The following ZNF804A variants were observed in gnomAD, a reference collection of about 807,000 sequenced individuals.
ZNF804A encodes the protein zinc finger protein 804A.
A neutral mutation model predicts 16.5 loss-of-function variants in ZNF804A; 2 were observed. The ratio of observed to expected loss-of-function variants is 0.12; its 90% CI spans 0.05 to 0.38. ZNF804A has a LOEUF of 0.38. ZNF804A is among the 10% of genes least tolerant of loss of function. The pLI is 0.99. For synonymous variants in ZNF804A, 534 were observed against 489.6 expected (o/e 1.09, Z -1.20); for missense variants, 1,473 against 1,390.7 (o/e 1.06, Z -0.94).
intron 2 of ZNF804A, among the ~76,000 whole-genome samples, chr2:184,878,275 G>A (rs542497727): frequency 2.0e-5 from 3 of 152,150 alleles, no homozygotes; most frequent in East Asian, 3.9e-4. Context: ...CCAAAGAGTA[G>A]GACTGAGGGC....
chr2:184,669,397 T>G (rs1338980102), intron 1 of ZNF804A, among the ~76,000 whole-genome samples: 1 of 152,222 alleles, frequency 6.6e-6, no homozygotes, highest in East Asian at 1.9e-4. Flanking sequence ...TCGTATCTTA[T>G]AAGCCGTAGT....
At chr2:184,751,256 A>G (rs960819975) in intron 1 of ZNF804A, among the ~76,000 whole-genome samples, 1 of 151,494 alleles carries the variant, frequency 6.6e-6, no homozygotes, top group Non-Finnish European at 1.5e-5. Context: ...CTTAGGGTTC[A>G]TGAATGCACA....
At chr2:184,717,922 C>A (rs1693241007) in intron 1 of ZNF804A, among the ~76,000 whole-genome samples, 1 of 152,080 alleles carries the variant, frequency 6.6e-6, no homozygotes, top group African/African-American at 2.4e-5. Flanking sequence ...GACAAGCATG[C>A]CTGTTTTCAC....
chr2:184,650,568 C>G (rs1355031150), intron 1 of ZNF804A, among the ~76,000 whole-genome samples: 2 of 152,086 alleles, frequency 1.3e-5, no homozygotes, highest in African/African-American at 4.8e-5. Flanking sequence ...GCCCTAAAGA[C>G]TCCACCAAAA....
At chr2:184,887,745 A>C (rs1684918800) in intron 2 of ZNF804A, among the ~76,000 whole-genome samples, 1 of 152,142 alleles carries the variant, frequency 6.6e-6, no homozygotes, top group Admixed American at 6.5e-5. Context: ...CCCATGATTC[A>C]ATTACCTCCC....
At chr2:184,860,854 G>T (rs1202313089) in intron 1 of ZNF804A, among the ~76,000 whole-genome samples, 2 of 152,230 alleles carry the variant, frequency 1.3e-5, no homozygotes, top group Admixed American at 6.5e-5. Flanking sequence ...TGGGGCAATG[G>T]CCAAGCTCAG....
chr2:184,826,109 C>T (rs1695164412), intron 1 of ZNF804A, among the ~76,000 whole-genome samples: 1 of 151,970 alleles, frequency 6.6e-6, no homozygotes, highest in Non-Finnish European at 1.5e-5. Context: ...TGGTCTTGAA[C>T]TCCTGACCTT....
chr2:184,823,019 A>G (rs1407056954), intron 1 of ZNF804A, among the ~76,000 whole-genome samples: 1 of 152,114 alleles, frequency 6.6e-6, no homozygotes, highest in Non-Finnish European at 1.5e-5. Context: ...CATTCTTGCT[A>G]CTATAACAAA....
intron 1 of ZNF804A, among the ~76,000 whole-genome samples, chr2:184,631,612 T>C (rs1173719223): frequency 6.6e-6 from 1 of 152,136 alleles, no homozygotes; most frequent in African/African-American, 2.4e-5. Flanking sequence ...AGCTAATAAG[T>C]TACAGTTCAT....
intron 2 of ZNF804A, among the ~76,000 whole-genome samples, chr2:184,909,102 T>A (rs1468808587): frequency 6.6e-6 from 1 of 152,096 alleles, no homozygotes; most frequent in Non-Finnish European, 1.5e-5. Context: ...ACTGCTATTT[T>A]TTCACTAGGC....
intron 1 of ZNF804A, among the ~76,000 whole-genome samples, chr2:184,746,404 A>G (rs1693790115): frequency 6.6e-6 from 1 of 151,342 alleles, no homozygotes; most frequent in South Asian, 2.1e-4. Context: ...AAAAACAAAC[A>G]AAACAAAAAA....
intron 1 of ZNF804A, among the ~76,000 whole-genome samples, chr2:184,754,748 T>C (rs1693933656): frequency 6.6e-6 from 1 of 151,912 alleles, no homozygotes; most frequent in African/African-American, 2.4e-5. Context: ...CTTCTTGGCT[T>C]GAAAAATTTA....
chr2:184,833,406 A>G (rs956563614), intron 1 of ZNF804A, among the ~76,000 whole-genome samples: 1 of 152,084 alleles, frequency 6.6e-6, no homozygotes. Context: ...CTATAGCTGC[A>G]CTATCCCATA....
chr2:184,699,444 C>T (rs1692885123), intron 1 of ZNF804A, among the ~76,000 whole-genome samples: 1 of 151,962 alleles, frequency 6.6e-6, no homozygotes, highest in Non-Finnish European at 1.5e-5. Context: ...ACCAAGTGAC[C>T]TCAGGAAATT....
chr2:184,737,570 AT>A (rs1392665714), intron 1 of ZNF804A, among the ~76,000 whole-genome samples: 8 of 152,206 alleles, frequency 5.3e-5, no homozygotes, highest in Non-Finnish European at 1.0e-4. Flanking sequence ...AAACTAAAAA[AT>A]AAACATGACT....
At chr2:184,602,181 A>G (rs951725768) in intron 1 of ZNF804A, among the ~76,000 whole-genome samples, 11 of 151,920 alleles carry the variant, frequency 7.2e-5, no homozygotes, top group Admixed American at 7.2e-4. Context: ...GCCTCTTGTT[A>G]ATGTTGACCC....
intron 1 of ZNF804A, among the ~76,000 whole-genome samples, chr2:184,741,294 C>G (rs773098176): frequency 2.6e-5 from 4 of 152,176 alleles, no homozygotes; most frequent in Non-Finnish European, 5.9e-5. Context: ...CTGAAGCTCT[C>G]AGTTGTTCTC....
rs190638540 is a variant in ZNF804A, at chr2:184,744,644, T to A, written c.112-121725T>A. Among the ~76,000 whole-genome samples, 3 of 152,108 alleles carry A rather than the reference T, an allele frequency of 2.0e-5. No homozygotes were observed. In the East Asian group the frequency reaches 5.8e-4, roughly 29 times the overall value. On this transcript the variant is annotated intron_variant, in intron 1 of 3. Coordinates refer to ENST00000302277, the MANE Select transcript of ZNF804A (RefSeq NM_194250.2). Reference sequence around the variant, plus strand: ...GTTTTTTAAGCCACCCATTTTATAGTGTTTTGTTATAGCAAACCAAACAAA... The same window carrying A: ...GTTTTTTAAGCCACCCATTTTATAGAGTTTTGTTATAGCAAACCAAACAAA...
At chr2:184,656,532 A>T (rs1310312473) in intron 1 of ZNF804A, among the ~76,000 whole-genome samples, 4 of 152,146 alleles carry the variant, frequency 2.6e-5, no homozygotes, top group African/African-American at 9.7e-5. Flanking sequence ...GAATGGATTG[A>T]GGTTAATCAA....
Sources: allele counts gnomAD v4.1 joint callset (sites outside exome capture counted in the v4.1 genomes callset), GRCh38; gene constraint gnomAD v4.1.1; transcripts MANE v1.5; gene names NCBI Gene and HGNC (gene_info 2026-07-23, HGNC 2026-07-21).